Variants in ARID2 observed in about 807,000 individuals in gnomAD.
The protein encoded by ARID2 is AT-rich interactive domain-containing protein 2.
Under a neutral mutation model 184.6 loss-of-function variants are expected in ARID2, and 32 were observed. The observed-to-expected ratio is 0.17, with a 90% CI of 0.13 to 0.23. The LOEUF is 0.23. Among genes scored for constraint, ARID2 ranks in the 10% least tolerant of loss-of-function variants. The pLI, the probability that ARID2 is intolerant of heterozygous loss-of-function variation, is 1.00. For missense variants in ARID2, 1,696 were observed against 2,197.6 expected, an observed-to-expected ratio of 0.77 and a Z score of 4.56; for synonymous variants, 836 against 772.6, an observed-to-expected ratio of 1.08 and a Z score of -1.36.
intron 4 of ARID2, 28 bp from the exon 5 acceptor site, chr12:45,817,642 T>C: frequency 6.4e-7 from 1 of 1,558,150 alleles, no homozygotes; most frequent in Non-Finnish European, 8.7e-7. Context: ...ATCTTTGATA[T>C]ACTTAAGGTA....
rs768663620 is a variant in ARID2 at position 45,850,097 on chromosome 12, A to G, written c.1974A>G (p.Gln658=). Residue 658 remains glutamine (Q), a synonymous_variant, in exon 15 of 21, where the codon CAA becomes CAG. Coordinates refer to ENST00000334344, the MANE Select transcript of ARID2 (RefSeq NM_152641.4). ...TTCAGAGGACTCCTGTTGCCAACCAATCTTCAAATCTGACTGCAACACAAA... is the reference window on the plus strand; with the variant it reads ...TTCAGAGGACTCCTGTTGCCAACCAGTCTTCAAATCTGACTGCAACACAAA... ...NHFQRTPVAN[Q]SSNLTATQMS... is the part of the protein sequence containing the mutation. The G allele has an allele frequency of 3.1e-6, 5 of 1,614,018 alleles. No homozygotes were observed. Among genetic ancestry groups the G allele is most frequent in the Admixed American group, 1.7e-5 (1 of 59,998 alleles).
At chr12:45,806,810 C>T (rs541954003) in intron 3 of ARID2, among the ~76,000 whole-genome samples, 2 of 152,250 alleles carry the variant, frequency 1.3e-5, no homozygotes, top group South Asian at 2.1e-4. Flanking sequence ...CCAGTCATTC[C>T]GTGCTGGTGC....
intron 15 of ARID2, 119 bp from the exon 16 acceptor site, chr12:45,860,682 A>C: frequency 1.1e-6 from 1 of 909,928 alleles, no homozygotes; most frequent in Non-Finnish European, 1.4e-6. Flanking sequence ...TTAAAATTAT[A>C]AAATGTAAAT....
rs139156217 is a variant in ARID2, at chr12:45,896,282, G to C, written c.5363+2561G>C. On this transcript the variant is annotated intron_variant, in intron 20 of 20. Transcript: ENST00000334344. ...AGGGCAAGGATTCCCTGTATGCCCA[G>C]GGAAAGAGGTGCTATGATTGGAAGC... Among the ~76,000 whole-genome samples the C allele has an allele frequency of 3.1e-3, 473 of 152,292 alleles. 2 individuals carry two copies. Among genetic ancestry groups the C allele is most frequent in the African/African-American group, 0.011 (452 of 41,566 alleles).
At chr12:45,730,203 C>A in intron 2 of ARID2, 66 bp downstream of exon 2, 1 of 1,527,682 alleles carries the variant, frequency 6.5e-7, no homozygotes, top group Non-Finnish European at 9.0e-7. Flanking sequence ...CCTTTGACCC[C>A]GGAGTGGGCG....
intron 3 of ARID2, among the ~76,000 whole-genome samples, chr12:45,750,753 T>C (rs563424689): frequency 3.4e-4 from 52 of 152,336 alleles, no homozygotes; most frequent in Non-Finnish European, 5.6e-4. Flanking sequence ...TGAACACTTA[T>C]TATTTGCCAG....
intron 6 of ARID2, among the ~76,000 whole-genome samples, chr12:45,823,330 A>G (rs1008179711): frequency 1.3e-5 from 2 of 152,140 alleles, no homozygotes; most frequent in African/African-American, 2.4e-5. Flanking sequence ...TTATAGCAAT[A>G]TATGCCTACA....
chr12:45,735,417 TCGTGTGTG>T (rs1417288654), intron 3 of ARID2, among the ~76,000 whole-genome samples: 139 of 110,362 alleles, frequency 1.3e-3, no homozygotes, highest in African/African-American at 4.6e-3. Context: ...ATAAACTGTA[TCGTGTGTG>T]TGTGTGTGTG....
chr12:45,815,586 C>T (rs1942790155), intron 4 of ARID2, among the ~76,000 whole-genome samples: 1 of 150,894 alleles, frequency 6.6e-6, no homozygotes. Context: ...TACTTGCATC[C>T]TACTTAAAGA....
intron 16 of ARID2, among the ~76,000 whole-genome samples, chr12:45,869,741 G>A (rs1943890747): frequency 6.6e-6 from 1 of 151,812 alleles, no homozygotes; most frequent in Non-Finnish European, 1.5e-5. Context: ...ACATTAGCCA[G>A]GCGTGGTGGC....
intron 3 of ARID2, among the ~76,000 whole-genome samples, chr12:45,765,766 A>G (rs749383864): frequency 1.3e-5 from 2 of 152,176 alleles, no homozygotes; most frequent in East Asian, 1.9e-4. Context: ...CTGTGAAACT[A>G]TTAACACAGT....
At chr12:45,870,120 G>A (rs1010591365) in intron 16 of ARID2, among the ~76,000 whole-genome samples, 1 of 151,778 alleles carries the variant, frequency 6.6e-6, no homozygotes, top group African/African-American at 2.4e-5. Context: ...TGAGTAGCTG[G>A]GACTACAGGC....
At chr12:45,857,827 T>A (rs976801623) in intron 15 of ARID2, among the ~76,000 whole-genome samples, 1 of 152,156 alleles carries the variant, frequency 6.6e-6, no homozygotes, top group African/African-American at 2.4e-5. Context: ...TGGCACACTC[T>A]TGGCTCACTG....
chr12:45,831,769 T>A (rs925643362), intron 6 of ARID2, among the ~76,000 whole-genome samples: 9 of 152,216 alleles, frequency 5.9e-5, no homozygotes, highest in African/African-American at 1.9e-4. Flanking sequence ...TAATTATGAA[T>A]GTTTATATAT....
At chr12:45,867,063 G>C (rs1457335022) in intron 16 of ARID2, among the ~76,000 whole-genome samples, 1 of 151,928 alleles carries the variant, frequency 6.6e-6, no homozygotes, top group African/African-American at 2.4e-5. Flanking sequence ...CGATTCTCTT[G>C]GCTCATCTTC....
At chr12:45,780,857 C>T (rs555714582) in intron 3 of ARID2, among the ~76,000 whole-genome samples, 5 of 151,928 alleles carry the variant, frequency 3.3e-5, no homozygotes, top group Admixed American at 2.0e-4. Flanking sequence ...TGACCTCAGG[C>T]GATCCACCTG....
chr12:45,860,710 TAAC>T (rs1943728097), intron 15 of ARID2, 88 bp from the exon 16 acceptor site: 1 of 1,140,224 alleles, frequency 8.8e-7, no homozygotes, highest in Non-Finnish European at 1.1e-6. Flanking sequence ...TAGAAATGTA[TAAC>T]AACATAATCA....
intron 3 of ARID2, among the ~76,000 whole-genome samples, chr12:45,810,910 T>C (rs1414209013): frequency 6.6e-6 from 1 of 152,150 alleles, no homozygotes; most frequent in African/African-American, 2.4e-5. Context: ...AAAAATACTT[T>C]TAGAACCATT....
At chr12:45,860,126 G>T (rs533015268) in intron 15 of ARID2, among the ~76,000 whole-genome samples, 1 of 152,206 alleles carries the variant, frequency 6.6e-6, no homozygotes, top group Admixed American at 6.5e-5. Context: ...GAGGCCAAAG[G>T]GGGAGGATGG....
Sources: allele counts gnomAD v4.1 joint callset (sites outside exome capture counted in the v4.1 genomes callset), GRCh38; gene constraint gnomAD v4.1.1; transcripts MANE v1.5; gene names NCBI Gene and HGNC (gene_info 2026-07-23, HGNC 2026-07-21).